Variants in ZNF804B observed in about 807,000 individuals in gnomAD.
ZNF804B encodes zinc finger protein 804B.
In ZNF804B, 80 loss-of-function variants were observed where a neutral mutation model predicts 101.4. That is an observed-to-expected ratio of 0.79 (90% CI 0.66 to 0.95). ZNF804B has a LOEUF of 0.95. ZNF804B is among the 40% of genes least tolerant of loss of function. ZNF804B has a pLI of 0.00. For synonymous variants in ZNF804B, 622 were observed against 558.8 expected, an observed-to-expected ratio of 1.11 and a Z score of -1.59; for missense variants, 1,673 against 1,561.9, an observed-to-expected ratio of 1.07 and a Z score of -1.20.
chr7:88,794,724 A>C (rs151198514), intron 1 of ZNF804B: 1 of 1,613,538 alleles, frequency 6.2e-7, no homozygotes, highest in African/African-American at 1.3e-5. Context: ...AAACTGACTG[A>C]AACATTTGTT....
chr7:88,831,463 T>A (rs1168460060), intron 1 of ZNF804B, among the ~76,000 whole-genome samples: 1 of 151,522 alleles, frequency 6.6e-6, no homozygotes, highest in African/African-American at 2.4e-5. Flanking sequence ...GATTAAGTTA[T>A]GACTACTTTT....
chr7:89,048,332 C>A (rs1789145748), intron 1 of ZNF804B, among the ~76,000 whole-genome samples: 1 of 151,782 alleles, frequency 6.6e-6, no homozygotes. Flanking sequence ...GGAATGAAGT[C>A]TTTTTTAAAA....
At chr7:88,925,907 C>T (rs1792790286) in intron 1 of ZNF804B, among the ~76,000 whole-genome samples, 1 of 152,106 alleles carries the variant, frequency 6.6e-6, no homozygotes, top group Non-Finnish European at 1.5e-5. Flanking sequence ...GCTAGGTGAT[C>T]TTCAGAATTG....
chr7:88,900,344 TA>T (rs1792369794), intron 1 of ZNF804B, among the ~76,000 whole-genome samples: 1 of 151,968 alleles, frequency 6.6e-6, no homozygotes, highest in East Asian at 1.9e-4. Context: ...ATGGAATGAA[TA>T]AAACTATGGA....
intron 1 of ZNF804B, among the ~76,000 whole-genome samples, chr7:89,098,557 C>A (rs981592629): frequency 6.6e-6 from 1 of 152,052 alleles, no homozygotes; most frequent in African/African-American, 2.4e-5. Flanking sequence ...CAGGCGTGAG[C>A]CATTGCGTCC....
rs1440998522 is a variant in ZNF804B, at chr7:89,334,600, A to G, written c.1618A>G (p.Ile540Val). ...DYQYPKPKTM[I>V]ANPDWEKFQR... ...TCAATATCCGAAACCAAAGACGATG[A>G]TAGCTAATCCGGATTGGGAAAAATT... Residue 540 changes from isoleucine (I) to valine (V), a missense_variant, in exon 4 of 4, where the codon ATA becomes GTA. Physicochemically the swap from Ile to Val is conservative, Grantham distance 29. Transcript: ENST00000333190. 6.2e-7 allele frequency: 1 copy of G among 1,613,838 alleles called. No individual in the cohort carries two copies. The highest frequency in any genetic ancestry group is 1.1e-5 in the South Asian group (1 of 91,078).
intron 1 of ZNF804B, among the ~76,000 whole-genome samples, chr7:89,135,093 A>G (rs1370960488): frequency 1.3e-5 from 2 of 152,112 alleles, no homozygotes; most frequent in African/African-American, 4.8e-5. Context: ...GTATTTGGTC[A>G]TTAATGAACT....
At chr7:88,990,757 A>G (rs1212190674) in intron 1 of ZNF804B, among the ~76,000 whole-genome samples, 1 of 152,146 alleles carries the variant, frequency 6.6e-6, no homozygotes, top group Non-Finnish European at 1.5e-5. Flanking sequence ...CTTTTACTGT[A>G]TGAGTTTTAT....
chr7:88,953,042 C>A (rs1793248936), intron 1 of ZNF804B, among the ~76,000 whole-genome samples: 1 of 151,752 alleles, frequency 6.6e-6, no homozygotes, highest in African/African-American at 2.4e-5. Flanking sequence ...TGTAGACCAA[C>A]TCTTACCTGG....
chr7:88,769,716 C>T (rs894596196), intron 1 of ZNF804B, among the ~76,000 whole-genome samples: 7 of 152,116 alleles, frequency 4.6e-5, no homozygotes, highest in Admixed American at 1.3e-4. Context: ...CCCTGACCAA[C>T]GACCACTGCA....
chr7:89,261,998 A>C (rs1789719190), intron 2 of ZNF804B, among the ~76,000 whole-genome samples: 1 of 152,162 alleles, frequency 6.6e-6, no homozygotes, highest in South Asian at 2.1e-4. Flanking sequence ...ATTAATTAGA[A>C]ATATTTTTGG....
intron 1 of ZNF804B, among the ~76,000 whole-genome samples, chr7:88,909,277 T>C (rs147407771): frequency 6.6e-6 from 1 of 151,850 alleles, no homozygotes; most frequent in Non-Finnish European, 1.5e-5. Flanking sequence ...CTCATCTGCA[T>C]GAGAAGATTA....
chr7:88,986,126 C>G (rs1215143333), intron 1 of ZNF804B, among the ~76,000 whole-genome samples: 1 of 152,072 alleles, frequency 6.6e-6, no homozygotes, highest in Non-Finnish European at 1.5e-5. Flanking sequence ...ATATAATATT[C>G]AAAGCAACAA....
At chr7:88,999,217 A>G (rs1303703414) in intron 1 of ZNF804B, among the ~76,000 whole-genome samples, 1 of 152,042 alleles carries the variant, frequency 6.6e-6, no homozygotes, top group Non-Finnish European at 1.5e-5. Context: ...TTCTTACTGA[A>G]AATATTTAAA....
At chr7:89,227,038 T>A (rs138616532) in intron 2 of ZNF804B, among the ~76,000 whole-genome samples, 63 of 152,322 alleles carry the variant, frequency 4.1e-4, no homozygotes, top group Non-Finnish European at 3.7e-4. Context: ...GATGCATAGC[T>A]ATTGTTCTAG....
intron 1 of ZNF804B, among the ~76,000 whole-genome samples, chr7:89,084,582 A>G (rs1789760464): frequency 6.6e-6 from 1 of 151,948 alleles, no homozygotes; most frequent in Non-Finnish European, 1.5e-5. Context: ...TTAGTATTAG[A>G]ACTCTAAACA....
chr7:89,068,559 AT>A (rs1229396596), intron 1 of ZNF804B, among the ~76,000 whole-genome samples: 1 of 152,204 alleles, frequency 6.6e-6, no homozygotes, highest in Non-Finnish European at 1.5e-5. Context: ...CTGCTCTTTT[AT>A]GCAAGGCATT....
intron 1 of ZNF804B, among the ~76,000 whole-genome samples, chr7:88,920,018 C>A (rs1052388607): frequency 6.6e-6 from 1 of 152,104 alleles, no homozygotes; most frequent in African/African-American, 2.4e-5. Flanking sequence ...CAAAGAGGAA[C>A]TTTGGCTAAA....
At chr7:89,227,570 G>A (rs184517860) in intron 2 of ZNF804B, among the ~76,000 whole-genome samples, 3 of 152,264 alleles carry the variant, frequency 2.0e-5, no homozygotes, top group African/African-American at 7.2e-5. Flanking sequence ...GAAAAATAAA[G>A]GATTGAAGTG....
Sources: gnomAD v4.1 joint callset for allele counts (sites outside exome capture counted in the v4.1 genomes callset) on GRCh38, gnomAD v4.1.1 for gene constraint, MANE v1.5 for transcripts, NCBI Gene and HGNC (gene_info 2026-07-23, HGNC 2026-07-21) for gene names.